The following GCC2 variants were observed in gnomAD, a reference collection of about 807,000 sequenced individuals.
GCC2 encodes GRIP and coiled-coil domain-containing protein 2.
GCC2 carries 120 observed loss-of-function variants against 210.6 expected under a neutral mutation model. The observed-to-expected ratio is 0.57, with a 90% CI of 0.49 to 0.66. The LOEUF (loss-of-function observed/expected upper bound fraction) is 0.66, where lower values mean the gene tolerates loss of function less well. Among genes scored for constraint, GCC2 ranks in the 30% least tolerant of loss-of-function variants. The pLI is 0.00. For synonymous variants in GCC2, 703 were observed against 652.7 expected (o/e 1.08, Z -1.17); for missense variants, 1,868 against 1,871.9 (o/e 1.00, Z 0.04).
chr2:108,487,655 C>A, intron 16 of GCC2, 44 bp from the exon 17 acceptor site: 5 of 1,539,776 alleles, frequency 3.2e-6, no homozygotes, highest in East Asian at 2.3e-5. Flanking sequence ...AATAGAAGGA[C>A]CCTGTTACAG....
At chr2:108,497,681 G>T (rs1386839058) in intron 21 of GCC2, among the ~76,000 whole-genome samples, 1 of 152,110 alleles carries the variant, frequency 6.6e-6, no homozygotes, top group Non-Finnish European at 1.5e-5. Flanking sequence ...CCTGTTTAAA[G>T]TAGACACCAG....
chr2:108,492,334 C>T (rs955225744), intron 18 of GCC2, among the ~76,000 whole-genome samples: 1 of 152,152 alleles, frequency 6.6e-6, no homozygotes. Flanking sequence ...AACACAGTTT[C>T]TTAACTGGGG....
At chr2:108,454,290 T>C (rs1419834397) in intron 4 of GCC2, among the ~76,000 whole-genome samples, 1 of 152,200 alleles carries the variant, frequency 6.6e-6, no homozygotes, top group Non-Finnish European at 1.5e-5. Context: ...GCGCCCAGCC[T>C]GGTTATATAT....
Position 108,507,706 on chromosome 2 carries a change from T to C in GCC2, c.*76T>C. 1 of 1,050,364 alleles carries C rather than the reference T, an allele frequency of 9.5e-7. No homozygotes were observed. Among genetic ancestry groups the C allele is most frequent in the South Asian group, 1.4e-5 (1 of 73,708 alleles). 65.1% of individuals were successfully genotyped at this position (1,050,364 alleles called of 1,614,324 possible). On this transcript the variant is annotated 3_prime_UTR_variant, in exon 23 of 23. Coordinates refer to ENST00000309863, the MANE Select transcript of GCC2 (RefSeq NM_181453.4). ...TGGTTCACGTATATTACCACAATTC[T>C]TTTGTCAAAAAGTGTGTATATATGT...
At chr2:108,472,210 T>A in intron 6 of GCC2, 94 bp downstream of exon 6, 1 of 905,670 alleles carries the variant, frequency 1.1e-6, no homozygotes, top group Non-Finnish European at 1.6e-6. Flanking sequence ...ACGTCAAAAG[T>A]AAATTTTTAC....
chr2:108,457,291 T>G (rs1463099049), intron 4 of GCC2, among the ~76,000 whole-genome samples: 1 of 152,176 alleles, frequency 6.6e-6, no homozygotes, highest in East Asian at 1.9e-4. Context: ...GAAGATCGGT[T>G]GTGTATAAAT....
intron 4 of GCC2, among the ~76,000 whole-genome samples, chr2:108,458,050 G>T (rs142209196): frequency 1.3e-5 from 2 of 152,314 alleles, no homozygotes; most frequent in African/African-American, 2.4e-5. Flanking sequence ...TGATGTTAAT[G>T]TGAGTTTGTC....
At chr2:108,449,558 G>A in intron 1 of GCC2, 75 bp from the exon 2 acceptor site, 1 of 1,444,370 alleles carries the variant, frequency 6.9e-7, no homozygotes, top group Non-Finnish European at 9.7e-7. Flanking sequence ...GTTTTTCCCT[G>A]TAAGGGTTCT....
In GCC2 at chr2:108,471,812, A is replaced by G. The variant is rs1681239771; in HGVS notation, c.2483A>G (p.Glu828Gly). 4 of 1,613,422 alleles carry G rather than the reference A, an allele frequency of 2.5e-6. No individual in the cohort carries two copies. The African/African-American group carries it at 5.3e-5, about 22-fold the overall frequency. ...LQEESVVQCE[E>G]LKSLLRDYEQ... Reference sequence around the variant, plus strand: ...GAAGAGAGTGTAGTTCAGTGTGAAGAACTTAAGTCTTTATTGAGAGACTAT... The same window carrying G: ...GAAGAGAGTGTAGTTCAGTGTGAAGGACTTAAGTCTTTATTGAGAGACTAT... The change falls in exon 6 of 23, where the codon GAA (glutamate) becomes GGA (glycine). Residue 828 changes from glutamate to glycine, a missense_variant. Glu to Gly is a moderately conservative substitution (Grantham distance 98, BLOSUM62 -2). This residue lies in a region of GCC2 where 1,847 missense variants were observed against 1,765.2 expected (regional missense o/e 1.05). Transcript: ENST00000309863.
intron 4 of GCC2, among the ~76,000 whole-genome samples, chr2:108,465,115 T>C (rs1343682739): frequency 2.0e-5 from 3 of 152,252 alleles, no homozygotes; most frequent in South Asian, 2.1e-4. Flanking sequence ...ACTGCCAACA[T>C]TGGGGGTTAC....
intron 22 of GCC2, among the ~76,000 whole-genome samples, chr2:108,500,222 CTG>C (rs1289532402): frequency 6.6e-6 from 1 of 152,096 alleles, no homozygotes; most frequent in African/African-American, 2.4e-5. Flanking sequence ...AGTTTTAAAA[CTG>C]TGCCATAGGC....
intron 22 of GCC2, among the ~76,000 whole-genome samples, chr2:108,505,763 C>T (rs901880354): frequency 6.6e-6 from 1 of 151,914 alleles, no homozygotes; most frequent in African/African-American, 2.4e-5. Flanking sequence ...GAAATAGAAC[C>T]ATTTCTGATC....
intron 4 of GCC2, among the ~76,000 whole-genome samples, chr2:108,460,159 G>A (rs1680489410): frequency 6.6e-6 from 1 of 152,102 alleles, no homozygotes; most frequent in Admixed American, 6.6e-5. Context: ...CCACTAAATA[G>A]ATTTTCTAAT....
intron 1 of GCC2, 36 bp downstream of exon 1, chr2:108,449,316 C>G: frequency 1.3e-6 from 2 of 1,543,742 alleles, no homozygotes; most frequent in Non-Finnish European, 1.8e-6. Flanking sequence ...CCCATCAAGC[C>G]TTCCGCGCCG....
intron 4 of GCC2, among the ~76,000 whole-genome samples, chr2:108,464,238 G>T (rs1359785347): frequency 6.6e-6 from 1 of 152,100 alleles, no homozygotes; most frequent in Non-Finnish European, 1.5e-5. Context: ...GGCCCACAGC[G>T]GTCTTTAGCC....
chr2:108,470,409 T>C lies in GCC2; in HGVS notation c.1080T>C (p.Asn360=). 2 of 1,606,802 alleles carry C rather than the reference T, an allele frequency of 1.2e-6. No individual in the cohort carries two copies. Among genetic ancestry groups the C allele is most frequent in the Non-Finnish European group, 1.7e-6 (2 of 1,174,164 alleles). ...AAGATGAGGTAACTTATATGAATAA[T>C]CTTAAGTTAAAACTTGAAATGGATG... ...ILKDEVTYMN[N]LKLKLEMDAQ... Residue 360 remains asparagine (N), a synonymous_variant, in exon 6 of 23, where the codon AAT becomes AAC. Coordinates refer to ENST00000309863, the MANE Select transcript of GCC2 (RefSeq NM_181453.4).
Position 108,481,747 on chromosome 2 carries a change from A to G in GCC2, c.3111A>G (p.Lys1037=), listed in dbSNP as rs1250765827. 6.2e-7 allele frequency: 1 copy of G among 1,602,098 alleles called. No homozygotes were observed. Among genetic ancestry groups the G allele is most frequent in the South Asian group, 1.1e-5 (1 of 89,524 alleles). The change falls in exon 10 of 23, where the codon AAA becomes AAG. Residue 1037 remains lysine (K), a synonymous_variant. Coordinates refer to ENST00000309863, the MANE Select transcript of GCC2 (RefSeq NM_181453.4). ...EKQSEQLDVE[K]ERANNFEHRI... ...AGTCAGAGCAACTGGATGTGGAAAA[A>G]GAACGTGCTAATAATTTTGAGCATC...
chr2:108,473,661 T>G (rs1167970296), intron 7 of GCC2, among the ~76,000 whole-genome samples: 1 of 152,094 alleles, frequency 6.6e-6, no homozygotes, highest in African/African-American at 2.4e-5. Flanking sequence ...CCCTGTTAGA[T>G]TAGGGTAAGG....
rs747355682 is a variant in GCC2, at chr2:108,471,170, A to G, written c.1841A>G (p.His614Arg). 3.8e-6 allele frequency: 6 copies of G among 1,599,866 alleles called. No homozygotes were observed. Among genetic ancestry groups the G allele is most frequent in the Non-Finnish European group, 5.1e-6 (6 of 1,171,250 alleles). ...KNSHEEMDNF[H>R]KKCEREERLI... is the part of the protein sequence containing the mutation. Reference sequence around the variant, plus strand: ...TCCCATGAAGAAATGGATAATTTCCATAAGAAATGTGAAAGGGAAGAAAGA... The same window carrying G: ...TCCCATGAAGAAATGGATAATTTCCGTAAGAAATGTGAAAGGGAAGAAAGA... The change falls in exon 6 of 23, where the codon CAT becomes CGT. Residue 614 changes from histidine (H) to arginine (R), a missense_variant. Physicochemically the swap from His to Arg is conservative, Grantham distance 29 (BLOSUM62 0). This residue lies in a region of GCC2 where 1,847 missense variants were observed against 1,765.2 expected (regional missense o/e 1.05). Coordinates refer to ENST00000309863, the MANE Select transcript of GCC2 (RefSeq NM_181453.4).
Sources: allele counts gnomAD v4.1 joint callset (sites outside exome capture counted in the v4.1 genomes callset), GRCh38; gene constraint gnomAD v4.1.1; regional missense constraint gnomAD v4.1.1; transcripts MANE v1.5; gene names NCBI Gene and HGNC (gene_info 2026-07-23, HGNC 2026-07-21).